Variants in CACNA1D observed in about 807,000 individuals in gnomAD.
CACNA1D encodes the protein calcium voltage-gated channel subunit alpha1 D.
A neutral mutation model predicts 257.1 loss-of-function variants in CACNA1D; 55 were observed. The observed-to-expected ratio is 0.21, with a 90% CI of 0.17 to 0.27. The LOEUF (loss-of-function observed/expected upper bound fraction) is 0.27, where lower values mean the gene tolerates loss of function less well. Ranked by LOEUF, CACNA1D falls within the 10% of genes least tolerant of loss-of-function variation. The probability of loss-of-function intolerance (pLI) is 1.00; values close to 1 mark genes in which losing one functional copy is unlikely to be tolerated. For synonymous variants in CACNA1D, 980 were observed against 1,014.9 expected (o/e 0.97, Z 0.65); for missense variants, 1,876 against 2,784.0 (o/e 0.67, Z 7.34).
chr3:53,509,279 CTG>C (rs57524253), intron 3 of CACNA1D, among the ~76,000 whole-genome samples: 26 of 149,722 alleles, frequency 1.7e-4, no homozygotes, highest in South Asian at 2.1e-4. Context: ...ACAGCCCCCT[CTG>C]TGTGTGTGTG....
chr3:53,640,333 T>G (rs1280763966), intron 3 of CACNA1D, among the ~76,000 whole-genome samples: 3 of 152,146 alleles, frequency 2.0e-5, no homozygotes, highest in Non-Finnish European at 4.4e-5. Context: ...CTGACATGGT[T>G]TAGAAATAAA....
rs892661402 is a variant in CACNA1D, at chr3:53,810,080, G to C, written c.5974G>C (p.Asp1992His). 2 of 1,613,954 alleles carry C rather than the reference G, an allele frequency of 1.2e-6. No individual in the cohort carries two copies. The highest frequency in any genetic ancestry group is 2.2e-5 in the East Asian group (1 of 44,878). ...ATPPATPPYRDWTPCYTPLIQ... is the reference protein window; with the variant it reads ...ATPPATPPYRHWTPCYTPLIQ... ...CCCTCCAGCAACCCCTCCCTACCGG[G>C]ACTGGACACCGTGCTACACCCCCCT... Residue 1992 changes from aspartate (D) to histidine (H), a missense_variant, in exon 47 of 48, where the codon GAC becomes CAC. Physicochemically the swap from Asp to His is moderately conservative, Grantham distance 81. Coordinates refer to ENST00000350061, the MANE Select transcript of CACNA1D (RefSeq NM_001128840.3).
Position 53,723,773 on chromosome 3 carries a change from C to T in CACNA1D, c.1893-19C>T, listed in dbSNP as rs751921160. On this transcript the variant is annotated intron_variant, in intron 13 of 47. Coordinates refer to ENST00000350061, the MANE Select transcript of CACNA1D (RefSeq NM_001128840.3). The surrounding 1 kb of genome is among the most constrained non-coding windows in gnomAD (Gnocchi z 5.6). The stretch of plus-strand genomic sequence containing the variant: ...CCTGCATGGGTGTTCTGAGCTGACA[C>T]CCTCATCTTGACTTATAGGCACTGG... The T allele has an allele frequency of 1.2e-6, 2 of 1,606,368 alleles. No individual in the cohort carries two copies. Among genetic ancestry groups the T allele is most frequent in the Non-Finnish European group, 1.7e-6 (2 of 1,172,994 alleles).
rs201274181 is a variant in CACNA1D, at chr3:53,805,883, TCC to T, written c.5749+739_5749+740del. 6.6e-3 allele frequency among the ~76,000 whole-genome samples: 503 copies of T among 76,088 alleles called. 8 individuals are homozygous for T. Among genetic ancestry groups the T allele is most frequent in the African/African-American group, 0.025 (478 of 18,920 alleles). 49.9% of individuals were successfully genotyped at this position (76,088 alleles called of 152,430 possible). On this transcript the variant is annotated intron_variant, in intron 45 of 47. Coordinates refer to ENST00000350061, the MANE Select transcript of CACNA1D (RefSeq NM_001128840.3). ...CCCTCATCTTCCCTCCTCCTCCTCC[TCC>T]CGCATCTTCTCCTCCTCCCTCATCT...
At chr3:53,558,092 A>G (rs1043285580) in intron 3 of CACNA1D, among the ~76,000 whole-genome samples, 3 of 152,174 alleles carry the variant, frequency 2.0e-5, no homozygotes, top group Non-Finnish European at 4.4e-5. Context: ...TTTGAACACA[A>G]TCTCACGTTC....
chr3:53,611,051 A>G (rs1196405555), intron 3 of CACNA1D, among the ~76,000 whole-genome samples: 1 of 152,218 alleles, frequency 6.6e-6, no homozygotes, highest in African/African-American at 2.4e-5. Flanking sequence ...CACTTTAAAG[A>G]TGCCATTCTA....
At chr3:53,767,019 T>C (rs2095336215) in intron 30 of CACNA1D, among the ~76,000 whole-genome samples, 1 of 152,062 alleles carries the variant, frequency 6.6e-6, no homozygotes, top group Admixed American at 6.6e-5. Context: ...GTAGGGGAGA[T>C]GGGGATGGAG....
chr3:53,809,930 C>T (rs753082737), intron 46 of CACNA1D, 48 bp from the exon 47 acceptor site: 49 of 1,573,862 alleles, frequency 3.1e-5, no homozygotes, highest in Middle Eastern at 1.7e-4. Flanking sequence ...GTTTGAGGCC[C>T]GGACCTCTGA....
At chr3:53,509,367 T>C (rs1452594490) in intron 3 of CACNA1D, among the ~76,000 whole-genome samples, 1 of 152,108 alleles carries the variant, frequency 6.6e-6, no homozygotes, top group Non-Finnish European at 1.5e-5. Flanking sequence ...GTGGGCATTG[T>C]TGACACAGGC....
intron 9 of CACNA1D, among the ~76,000 whole-genome samples, chr3:53,712,480 C>G (rs2094769253): frequency 6.6e-6 from 1 of 152,232 alleles, no homozygotes; most frequent in Admixed American, 6.5e-5. Context: ...GGCTTCTTTA[C>G]AGCAGCAAGA....
intron 40 of CACNA1D, among the ~76,000 whole-genome samples, chr3:53,799,245 C>CTTTA (rs1257348607): frequency 6.6e-6 from 1 of 152,214 alleles, no homozygotes; most frequent in Non-Finnish European, 1.5e-5. Flanking sequence ...CCCTATTAGT[C>CTTTA]TTTAACTCAG....
chr3:53,756,058 G>A (rs2095263017), intron 29 of CACNA1D, among the ~76,000 whole-genome samples: 1 of 152,198 alleles, frequency 6.6e-6, no homozygotes, highest in African/African-American at 2.4e-5. Context: ...TCTCCACTGA[G>A]TCAGGTACAC....
At chr3:53,527,774 C>T (rs2091817396) in intron 3 of CACNA1D, among the ~76,000 whole-genome samples, 1 of 152,054 alleles carries the variant, frequency 6.6e-6, no homozygotes. Context: ...TGGAGTGTGC[C>T]CAGTAGCCAA....
At chr3:53,672,762 G>C (rs2094335783) in intron 7 of CACNA1D, among the ~76,000 whole-genome samples, 1 of 15,020 alleles carries the variant, frequency 6.7e-5, no homozygotes, top group Non-Finnish European at 1.1e-4. Context: ...ATGACTCTGT[G>C]TGTGTGTGTG....
intron 3 of CACNA1D, among the ~76,000 whole-genome samples, chr3:53,530,065 C>T (rs1256784807): frequency 6.6e-6 from 1 of 152,056 alleles, no homozygotes; most frequent in East Asian, 1.9e-4. Flanking sequence ...TTGTTGGTTG[C>T]TGATACTGCT....
chr3:53,627,459 T>C (rs893003207), intron 3 of CACNA1D, among the ~76,000 whole-genome samples: 2 of 152,146 alleles, frequency 1.3e-5, no homozygotes, highest in Non-Finnish European at 2.9e-5. Flanking sequence ...TTTATCCATC[T>C]TGCAAACGTG....
intron 8 of CACNA1D, among the ~76,000 whole-genome samples, chr3:53,685,002 A>G (rs2094462574): frequency 6.6e-6 from 1 of 152,218 alleles, no homozygotes; most frequent in African/African-American, 2.4e-5. Flanking sequence ...CAAAGAACAT[A>G]TAGTACCAAC....
chr3:53,712,173 C>CTT (rs1478206086), intron 9 of CACNA1D, among the ~76,000 whole-genome samples: 3 of 152,250 alleles, frequency 2.0e-5, no homozygotes, highest in Non-Finnish European at 4.4e-5. Context: ...CCTTGTGATT[C>CTT]TTTAAGGATT....
chr3:53,665,660 G>A lies in CACNA1D; in HGVS notation c.767G>A (p.Ser256Asn). 6.2e-7 allele frequency: 1 copy of A among 1,612,458 alleles called. No homozygotes were observed. ...ACTTATTTTTTTTTGTCTTTCCTAG[G>A]TTTACAAGTTGTCCTGAACTCCATT... ...RPLRLVSGVPSLQVVLNSIIK... is the reference protein window; with the variant it reads ...RPLRLVSGVPNLQVVLNSIIK... Residue 256 changes from serine to asparagine, a missense_variant and splice_region_variant, in exon 6 of 48, where the codon AGT becomes AAT. Ser to Asn is a conservative substitution (Grantham distance 46, BLOSUM62 1). Transcript: ENST00000350061.
Sources: gnomAD v4.1 joint callset for allele counts (sites outside exome capture counted in the v4.1 genomes callset) on GRCh38, gnomAD v4.1.1 for gene constraint, Gnocchi (gnomAD v3.1) non-coding constraint, MANE v1.5 for transcripts, NCBI Gene and HGNC (gene_info 2026-07-23, HGNC 2026-07-21) for gene names.